CTAGE1: variants seen among roughly 807,000 people sequenced by gnomAD.
CTAGE1 encodes cutaneous T cell lymphoma-associated antigen 1, also known as cTAGE family member 2.
For missense variants in CTAGE1, 963 were observed against 855.9 expected (o/e 1.13, Z -1.56); for synonymous variants, 332 against 302.8 (o/e 1.10, Z -1.00).
rs1242233786 is a variant in CTAGE1 at position 22,414,759 on chromosome 18, G to A, written c.*815C>T. 1.4e-6 allele frequency: 1 copy of A among 702,796 alleles called. No individual in the cohort carries two copies. The highest frequency in any genetic ancestry group is 2.0e-5 in the Admixed American group (1 of 49,994). 43.5% of individuals were successfully genotyped at this position (702,796 alleles called of 1,614,324 possible). On this transcript the variant is annotated 3_prime_UTR_variant, in exon 1 of 1. Coordinates refer to ENST00000391403, the MANE Select transcript of CTAGE1 (RefSeq NM_172241.3). ...GGAGAAACTGATCTATATAATTCTG[G>A]GGCAAGTAAAAGTTCTGGATAAAGT...
At position 22,417,897 on chromosome 18, in the gene CTAGE1, G is replaced by A. The variant is rs1019438456; in HGVS notation, c.-86C>T. On this transcript the variant is annotated 5_prime_UTR_variant, in exon 1 of 1. The change creates a new upstream start codon in the 5' untranslated region. Transcript: ENST00000391403. The stretch of plus-strand genomic sequence containing the variant: ...CTGAGGGTTAGCCCTAGGCTCCTCC[G>A]TAGCGCCAAGGCTGCTCTGGCGGTT... The A allele has an allele frequency of 1.1e-4, 146 of 1,329,238 alleles. 2 individuals carry two copies. The highest frequency in any genetic ancestry group is 6.9e-4 in the South Asian group (56 of 81,592). The allele number at this position is 1,329,238 out of a possible 1,614,324, so 82.3% of individuals were successfully genotyped here.
chr18:22,417,555 C>A lies in CTAGE1; in HGVS notation c.257G>T (p.Ser86Ile). ...TGCTTCTGTTGCCTCCTTCTCAAAG[C>A]TGGCATTCTTTAAAGATGACTCTAC... ...YEVESSLKNA[S>I]FEKEATEAQS... Residue 86 changes from serine to isoleucine, a missense_variant, in exon 1 of 1, where the codon AGC (serine) becomes ATC (isoleucine). Transcript: ENST00000391403. 5.6e-6 allele frequency: 9 copies of A among 1,613,996 alleles called. No homozygotes were observed. The highest frequency in any genetic ancestry group is 7.6e-6 in the Non-Finnish European group (9 of 1,179,872).
Position 22,416,219 on chromosome 18 carries a change from T to G in CTAGE1, c.1593A>C (p.Pro531=), listed in dbSNP as rs1338113903. 1 of 1,613,956 alleles carries G rather than the reference T, an allele frequency of 6.2e-7. No homozygotes were observed. Among genetic ancestry groups the G allele is most frequent in the Admixed American group, 1.7e-5 (1 of 60,010 alleles). ...PRGGGRGSRG[P]GNPPDHQITK... Reference sequence around the variant, plus strand: ...TAATCTGATGGTCCGGAGGATTCCCTGGGCCTCTGGAGCCTCTTCCTCCTC... The same window carrying G: ...TAATCTGATGGTCCGGAGGATTCCCGGGGCCTCTGGAGCCTCTTCCTCCTC... Residue 531 remains proline, a synonymous_variant, in exon 1 of 1, where the codon CCA becomes CCC. Transcript: ENST00000391403.
Position 22,415,810 on chromosome 18 carries a change from T to C in CTAGE1, c.2002A>G (p.Ile668Val), listed in dbSNP as rs202027269. 1.0e-4 allele frequency: 169 copies of C among 1,613,868 alleles called. No homozygotes were observed. The highest frequency in any genetic ancestry group is 8.9e-4 in the African/African-American group (67 of 75,002). Residue 668 changes from isoleucine to valine, a missense_variant, in exon 1 of 1, where the codon ATC (isoleucine) becomes GTC (valine). By Grantham distance (29) the Ile-to-Val change is conservative. Transcript: ENST00000391403. ...PGFVPPPLAP[I>V]RGLLFPVDTR... ...TCTACTGGAAACAATAAACCTCTGA[T>C]TGGAGCAAGAGGTGGAGGAACAAAG...
chr18:22,416,094 C>T lies in CTAGE1; in HGVS notation c.1718G>A (p.Arg573Lys), dbSNP rs768978852. The T allele has an allele frequency of 5.0e-6, 8 of 1,613,956 alleles. No individual in the cohort carries two copies. Among genetic ancestry groups the T allele is most frequent in the Middle Eastern group, 3.3e-4 (2 of 6,056 alleles). ...TTGTCCTGGTGGAGGAAACATCATC[C>T]TATAGTCCTGTTCCCACGGAGGTGC... ...PLAPPWEQDY[R>K]MMFPPPGQSY... Residue 573 changes from arginine to lysine, a missense_variant, in exon 1 of 1, where the codon AGG becomes AAG. Arg to Lys is a conservative substitution (Grantham distance 26, BLOSUM62 2). Coordinates refer to ENST00000391403, the MANE Select transcript of CTAGE1 (RefSeq NM_172241.3).
Position 22,415,846 on chromosome 18 carries a change from T to A in CTAGE1, c.1966A>T (p.Thr656Ser), listed in dbSNP as rs200847378. Reference protein sequence around the residue: ...DSSLPAENEATGPGFVPPPLA... With the variant: ...DSSLPAENEASGPGFVPPPLA... ...GGTGGAGGAACAAAGCCAGGGCCAG[T>A]TGCTTCATTTTCAGCGGGGAGAGAT... is the stretch of plus-strand genomic sequence containing the variant. Residue 656 changes from threonine to serine, a missense_variant, in exon 1 of 1, where the codon ACT becomes TCT. By Grantham distance (58) the Thr-to-Ser change is moderately conservative. Coordinates refer to ENST00000391403, the MANE Select transcript of CTAGE1 (RefSeq NM_172241.3). 6.2e-7 allele frequency: 1 copy of A among 1,613,888 alleles called. No homozygotes were observed.
At position 22,417,739 on chromosome 18, in the gene CTAGE1, C is replaced by CA. The variant is rs1256856968; in HGVS notation, c.72dup (p.Ala25CysfsTer10). On this transcript the variant is annotated frameshift_variant, in exon 1 of 1. Transcript: ENST00000391403. LOFTEE classifies it low-confidence loss of function (END_TRUNC). ...AAACTTCTCCACAAGAAGAGAACAG[C>CA]AAAAAATCCAGCAACAGCTGCACGT... 5 of 1,614,160 alleles carry CA rather than the reference C, an allele frequency of 3.1e-6. No homozygotes were observed. The highest frequency in any genetic ancestry group is 2.2e-5 in the East Asian group (1 of 44,888).
chr18:22,416,562 A>G lies in CTAGE1; in HGVS notation c.1250T>C (p.Phe417Ser). ...ATGGAGAATAATCTTCTTTTGATAA[A>G]AATGAATAGTTTTCTCAAATTCTTT... ...DLKEFEKTIH[F>S]YQKKIILHEK... Residue 417 changes from phenylalanine (F) to serine (S), a missense_variant, in exon 1 of 1, where the codon TTT becomes TCT. Physicochemically the swap from Phe to Ser is radical, Grantham distance 155 (BLOSUM62 -2). Coordinates refer to ENST00000391403, the MANE Select transcript of CTAGE1 (RefSeq NM_172241.3). The G allele has an allele frequency of 6.2e-7, 1 of 1,610,808 alleles. No homozygotes were observed. Among genetic ancestry groups the G allele is most frequent in the South Asian group, 1.1e-5 (1 of 89,574 alleles).
Position 22,417,907 on chromosome 18 carries a change from G to C in CTAGE1, c.-96C>G, listed in dbSNP as rs556219004. 331 of 1,201,784 alleles carry C rather than the reference G, an allele frequency of 2.8e-4. No individual in the cohort carries two copies. The highest frequency in any genetic ancestry group is 7.3e-4 in the Admixed American group (36 of 49,354). 74.4% of individuals were successfully genotyped at this position (1,201,784 alleles called of 1,614,324 possible). A position where few individuals can be genotyped will look rare whatever the true frequency, so the allele number is the denominator to read the frequency against. On this transcript the variant is annotated 5_prime_UTR_variant, in exon 1 of 1. Transcript: ENST00000391403. ...GCCCTAGGCTCCTCCGTAGCGCCAA[G>C]GCTGCTCTGGCGGTTGCTGCAGTAA... is the stretch of plus-strand genomic sequence containing the variant.
Position 22,414,627 on chromosome 18 carries a change from G to T in CTAGE1, c.*947C>A, listed in dbSNP as rs1379451311. ...GATCAAATTCACCAACTGCAATTAA[G>T]CACTATCTTAGATTTACTCCTTCCC... is the stretch of plus-strand genomic sequence containing the variant. On this transcript the variant is annotated 3_prime_UTR_variant, in exon 1 of 1. Coordinates refer to ENST00000391403, the MANE Select transcript of CTAGE1 (RefSeq NM_172241.3). The T allele has an allele frequency of 4.3e-6, 3 of 694,664 alleles. No homozygotes were observed. In the Admixed American group the frequency reaches 6.2e-5, roughly 14 times the overall value. The allele number at this position is 694,664 out of a possible 1,614,324, so 43.0% of individuals were successfully genotyped here. A position where few individuals can be genotyped will look rare whatever the true frequency, so the allele number is the denominator to read the frequency against.
rs1216934922 is a variant in CTAGE1, at chr18:22,416,035, G to C, written c.1777C>G (p.Gln593Glu). ...YPDSALPPQR[Q>E]DRFYSNCARL... ...GCACAATTAGAATAAAATCTGTCTTGCCTTTGTGGAGGGAGAGCTGAATCA... is the reference window on the plus strand; with the variant it reads ...GCACAATTAGAATAAAATCTGTCTTCCCTTTGTGGAGGGAGAGCTGAATCA... Residue 593 changes from glutamine to glutamate, a missense_variant, in exon 1 of 1, where the codon CAA becomes GAA. Coordinates refer to ENST00000391403, the MANE Select transcript of CTAGE1 (RefSeq NM_172241.3). The C allele has an allele frequency of 6.2e-6, 10 of 1,613,820 alleles. No individual in the cohort carries two copies. Among genetic ancestry groups the C allele is most frequent in the South Asian group, 1.1e-5 (1 of 91,076 alleles).
chr18:22,417,493 A>T lies in CTAGE1; in HGVS notation c.319T>A (p.Phe107Ile). The T allele has an allele frequency of 6.2e-7, 1 of 1,613,980 alleles. No homozygotes were observed. The highest frequency in any genetic ancestry group is 8.5e-7 in the Non-Finnish European group (1 of 1,179,868). Residue 107 changes from phenylalanine (F) to isoleucine (I), a missense_variant, in exon 1 of 1, where the codon TTC becomes ATC. Physicochemically the swap from Phe to Ile is conservative, Grantham distance 21 (BLOSUM62 0). Transcript: ENST00000391403. ...ATTTCATGCACAAGTTCAGAATTGA[A>T]CCTGTTCAGCTTTTCGCAGGTTGCC... ...LEATCEKLNR[F>I]NSELVHEILC...
chr18:22,417,295 G>T lies in CTAGE1; in HGVS notation c.517C>A (p.Arg173=). ...TFKRFQANEE[R]LEIEIQDAWK... ...GCATCTTGTATTTCTATCTCCAACC[G>T]TTCTTCATTCGCTTGAAATCTCTTG... The change falls in exon 1 of 1, where the codon CGG becomes AGG. Residue 173 remains arginine, a synonymous_variant. Coordinates refer to ENST00000391403, the MANE Select transcript of CTAGE1 (RefSeq NM_172241.3). The T allele has an allele frequency of 1.9e-6, 3 of 1,613,820 alleles. No homozygotes were observed. The highest frequency in any genetic ancestry group is 2.2e-5 in the South Asian group (2 of 91,072).
chr18:22,417,539 T>C lies in CTAGE1; in HGVS notation c.273A>G (p.Ala91=), dbSNP rs2143794951. 6.2e-7 allele frequency: 1 copy of C among 1,614,038 alleles called. No homozygotes were observed. The highest frequency in any genetic ancestry group is 1.3e-5 in the African/African-American group (1 of 75,064). ...SLKNASFEKE[A]TEAQSLEATC... is the part of the protein sequence containing the mutation. The stretch of plus-strand genomic sequence containing the variant: ...TTGCCTCCAAACTTTGTGCTTCTGT[T>C]GCCTCCTTCTCAAAGCTGGCATTCT... Residue 91 remains alanine, a synonymous_variant, in exon 1 of 1, where the codon GCA becomes GCG. Transcript: ENST00000391403.
chr18:22,414,873 G>C lies in CTAGE1; in HGVS notation c.*701C>G. ...CAAACATAGGAAGAAATTAGCTTAG[G>C]GAAGACGAAGGGAAGGAAAGGGAGG... is the stretch of plus-strand genomic sequence containing the variant. On this transcript the variant is annotated 3_prime_UTR_variant, in exon 1 of 1. Transcript: ENST00000391403. The C allele has an allele frequency of 4.3e-6, 3 of 690,400 alleles. No individual in the cohort carries two copies. The highest frequency in any genetic ancestry group is 7.9e-6 in the Non-Finnish European group (3 of 381,102). The allele number at this position is 690,400 out of a possible 1,614,324, so 42.8% of individuals were successfully genotyped here.
Position 22,417,733 on chromosome 18 carries a change from G to A in CTAGE1, c.79C>T (p.Leu27Phe), listed in dbSNP as rs2035034316. 6.2e-7 allele frequency: 1 copy of A among 1,614,038 alleles called. No individual in the cohort carries two copies. The highest frequency in any genetic ancestry group is 1.3e-5 in the African/African-American group (1 of 74,920). ...GATCTAAAACTTCTCCACAAGAAGAGAACAGCAAAAAATCCAGCAACAGCT... is the reference window on the plus strand; with the variant it reads ...GATCTAAAACTTCTCCACAAGAAGAAAACAGCAAAAAATCCAGCAACAGCT... Reference protein sequence around the residue: ...RAAVAGFFAVLFLWRSFRSVT... With the variant: ...RAAVAGFFAVFFLWRSFRSVT... Residue 27 changes from leucine (L) to phenylalanine (F), a missense_variant, in exon 1 of 1, where the codon CTC (leucine) becomes TTC (phenylalanine). Physicochemically the swap from Leu to Phe is conservative, Grantham distance 22 (BLOSUM62 0). Coordinates refer to ENST00000391403, the MANE Select transcript of CTAGE1 (RefSeq NM_172241.3).
rs780459760 is a variant in CTAGE1 at position 22,415,528 on chromosome 18, G to T, written c.*46C>A. The T allele has an allele frequency of 1.4e-6, 2 of 1,434,124 alleles. No homozygotes were observed. The highest frequency in any genetic ancestry group is 1.9e-6 in the Non-Finnish European group (2 of 1,052,054). 88.8% of individuals were successfully genotyped at this position (1,434,124 alleles called of 1,614,324 possible). ...TGTCGTTCTGGATGTTCAGCAGCAGGCTCATTTGAAGTCGGACTCAACCCT... is the reference window on the plus strand; with the variant it reads ...TGTCGTTCTGGATGTTCAGCAGCAGTCTCATTTGAAGTCGGACTCAACCCT... On this transcript the variant is annotated 3_prime_UTR_variant, in exon 1 of 1. Coordinates refer to ENST00000391403, the MANE Select transcript of CTAGE1 (RefSeq NM_172241.3).
Position 22,413,800 on chromosome 18 carries a change from C to G in CTAGE1, c.*1774G>C, listed in dbSNP as rs1445774246. The G allele has an allele frequency of 6.6e-6, 1 of 152,088 alleles. No homozygotes were observed. The highest frequency in any genetic ancestry group is 1.5e-5 in the Non-Finnish European group (1 of 68,002). 9.4% of individuals were successfully genotyped at this position (152,088 alleles called of 1,614,324 possible). A position where few individuals can be genotyped will look rare whatever the true frequency, so the allele number is the denominator to read the frequency against. On this transcript the variant is annotated 3_prime_UTR_variant, in exon 1 of 1. Coordinates refer to ENST00000391403, the MANE Select transcript of CTAGE1 (RefSeq NM_172241.3). The stretch of plus-strand genomic sequence containing the variant: ...CTGGGGAAAGGTGGCAAAGTAGACA[C>G]AAAGAGATGACAATACCTGTTTCAT...
In CTAGE1 at chr18:22,415,042, T is replaced by C. The variant is rs2034993363; in HGVS notation, c.*532A>G. On this transcript the variant is annotated 3_prime_UTR_variant, in exon 1 of 1. Coordinates refer to ENST00000391403, the MANE Select transcript of CTAGE1 (RefSeq NM_172241.3). ...CATCTTGGTTTAAAGTGAAATATTC[T>C]AACAGTTACATAGTATTCTACCTTC... is the stretch of plus-strand genomic sequence containing the variant. 5.8e-6 allele frequency: 3 copies of C among 517,884 alleles called. No homozygotes were observed. Among genetic ancestry groups the C allele is most frequent in the Non-Finnish European group, 6.8e-6 (2 of 294,732 alleles). The allele number at this position is 517,884 out of a possible 1,614,324, so 32.1% of individuals were successfully genotyped here. A position where few individuals can be genotyped will look rare whatever the true frequency, so the allele number is the denominator to read the frequency against.
Sources: allele counts gnomAD v4.1 joint callset, GRCh38; gene constraint gnomAD v4.1.1; transcripts MANE v1.5; gene names NCBI Gene and HGNC (gene_info 2026-07-23, HGNC 2026-07-21).